The following SEMA4F variants were observed in gnomAD, a reference collection of about 807,000 sequenced individuals.
SEMA4F encodes semaphorin-4F.
SEMA4F carries 51 observed loss-of-function variants against 78.4 expected under a neutral mutation model. That is an observed-to-expected ratio of 0.65 (90% CI 0.52 to 0.82). SEMA4F has a LOEUF of 0.82. Ranked by LOEUF, SEMA4F falls within the 40% of genes least tolerant of loss-of-function variation. The pLI is 0.00. For missense variants in SEMA4F, 938 were observed against 1,014.4 expected, an observed-to-expected ratio of 0.92 and a Z score of 1.02; for synonymous variants, 418 against 408.7, an observed-to-expected ratio of 1.02 and a Z score of -0.27.
At position 74,656,685 on chromosome 2, in the gene SEMA4F, G is replaced by T; in HGVS notation, c.297G>T (p.Arg99Ser). The change falls in exon 2 of 14, where the codon AGG becomes AGT. Residue 99 changes from arginine to serine, a missense_variant and splice_region_variant. Coordinates refer to ENST00000357877, the MANE Select transcript of SEMA4F (RefSeq NM_004263.5). The part of the protein sequence containing the change: ...SLPFSGERPR[R>S]IDWMVPEAHR... ...CCTTCTCAGGGGAGAGACCCCGCAG[G>T]GTGAGAGACAAGAGAGGGAAGGACC... 6.2e-7 allele frequency: 1 copy of T among 1,614,066 alleles called. No homozygotes were observed. The highest frequency in any genetic ancestry group is 8.5e-7 in the Non-Finnish European group (1 of 1,180,018).
At chr2:74,690,694 C>T in the SEMA4F span, among the ~76,000 whole-genome samples, 8 of 152,218 alleles carry the variant, frequency 5.3e-5, no homozygotes, top group South Asian at 2.1e-4. Flanking sequence ...ATCTCGTGCC[C>T]GACTAACATT....
chr2:74,664,161 TGTG>T (rs1684570645), intron 5 of SEMA4F, among the ~76,000 whole-genome samples: 1 of 152,210 alleles, frequency 6.6e-6, no homozygotes, highest in Non-Finnish European at 1.5e-5. Context: ...GCCATTTTCT[TGTG>T]GTAGTGTAAA....
In SEMA4F at chr2:74,654,295, G is replaced by T; in HGVS notation, c.-82G>T. On this transcript the variant is annotated 5_prime_UTR_variant, in exon 1 of 14. Transcript: ENST00000357877. ...GAGCCGGACCGAGCCGAGAGGACCC[G>T]AGTGGGGCCGAGGCCAGTAGCCCCG... 1 of 1,358,810 alleles carries T rather than the reference G, an allele frequency of 7.4e-7. No individual in the cohort carries two copies. Among genetic ancestry groups the T allele is most frequent in the Non-Finnish European group, 9.4e-7 (1 of 1,059,732 alleles). The allele number at this position is 1,358,810 out of a possible 1,614,324, so 84.2% of individuals were successfully genotyped here.
rs1426746439 is a variant in SEMA4F at position 74,674,999 on chromosome 2, C to A, written c.1113C>A (p.Val371=). The A allele has an allele frequency of 3.1e-6, 5 of 1,613,832 alleles. No individual in the cohort carries two copies. Among genetic ancestry groups the A allele is most frequent in the Non-Finnish European group, 4.2e-6 (5 of 1,179,972 alleles). ...LKHDCNRGLP[V]VDNDVPQPRP... ...ATGACTGCAACAGAGGACTGCCTGT[C>A]GTGGACAATGATGTGCCCCAGCCCA... is the stretch of plus-strand genomic sequence containing the variant. The change falls in exon 9 of 14, where the codon GTC becomes GTA. Residue 371 remains valine, a synonymous_variant. Transcript: ENST00000357877.
intron 5 of SEMA4F, among the ~76,000 whole-genome samples, chr2:74,673,143 G>T (rs939434561): frequency 6.6e-6 from 1 of 152,116 alleles, no homozygotes; most frequent in Non-Finnish European, 1.5e-5. Context: ...CACATTACAG[G>T]ATTACTGAAA....
Position 74,658,060 on chromosome 2 carries a change from G to A in SEMA4F, c.456+109G>A. 3.2e-6 allele frequency: 3 copies of A among 944,374 alleles called. No individual in the cohort carries two copies. Among genetic ancestry groups the A allele is most frequent in the Non-Finnish European group, 3.4e-6 (2 of 589,062 alleles). 58.5% of individuals were successfully genotyped at this position (944,374 alleles called of 1,614,324 possible). Reference sequence around the variant, plus strand: ...TTTTCTGTGAGCGACCATGATGGGGGCATGGTCAAGGCAACCATTGTGCAT... The same window carrying A: ...TTTTCTGTGAGCGACCATGATGGGGACATGGTCAAGGCAACCATTGTGCAT... On this transcript the variant is annotated intron_variant, in intron 4 of 13. Coordinates refer to ENST00000357877, the MANE Select transcript of SEMA4F (RefSeq NM_004263.5). This position sits in a 1 kb window ranked among gnomAD's most constrained non-coding sequence, Gnocchi z 4.3.
chr2:74,674,536 G>T lies in SEMA4F; in HGVS notation c.861G>T (p.Trp287Cys), dbSNP rs1685158479. ...GCCGGAAGACCCTCCAGCAGAGATG[G>T]ACGACGTTTTTGAAAGCTGACCTGC... ...LGGRKTLQQRWTTFLKADLLC... is the reference protein window; with the variant it reads ...LGGRKTLQQRCTTFLKADLLC... The change falls in exon 8 of 14, where the codon TGG becomes TGT. Residue 287 changes from tryptophan (W) to cysteine (C), a missense_variant. Coordinates refer to ENST00000357877, the MANE Select transcript of SEMA4F (RefSeq NM_004263.5). 1 of 1,613,930 alleles carries T rather than the reference G, an allele frequency of 6.2e-7. No homozygotes were observed. The highest frequency in any genetic ancestry group is 1.3e-5 in the African/African-American group (1 of 74,892).
intron 5 of SEMA4F, among the ~76,000 whole-genome samples, chr2:74,671,228 C>T (rs1189335752): frequency 6.6e-6 from 1 of 152,196 alleles, no homozygotes; most frequent in East Asian, 1.9e-4. Context: ...TCTCACTTCC[C>T]CACCCCAAAA....
chr2:74,667,384 C>T (rs1044014307), intron 5 of SEMA4F, among the ~76,000 whole-genome samples: 2 of 152,178 alleles, frequency 1.3e-5, no homozygotes, highest in East Asian at 3.8e-4. Context: ...TAATTGCTCT[C>T]CAGTTAGTCC....
At chr2:74,664,853 A>G (rs1489630764) in intron 5 of SEMA4F, among the ~76,000 whole-genome samples, 1 of 152,214 alleles carries the variant, frequency 6.6e-6, no homozygotes, top group Non-Finnish European at 1.5e-5. Context: ...GTGATTGTAT[A>G]TAATTTTTAA....
Position 74,656,684 on chromosome 2 carries a change from G to A in SEMA4F, c.296G>A (p.Arg99Lys). 1.2e-6 allele frequency: 2 copies of A among 1,614,146 alleles called. No individual in the cohort carries two copies. The highest frequency in any genetic ancestry group is 2.2e-5 in the East Asian group (1 of 44,866). ...SLPFSGERPR[R>K]IDWMVPEAHR... ...CCCTTCTCAGGGGAGAGACCCCGCA[G>A]GGTGAGAGACAAGAGAGGGAAGGAC... Residue 99 changes from arginine (R) to lysine (K), a missense_variant and splice_region_variant, in exon 2 of 14, where the codon AGG becomes AAG. Physicochemically the swap from Arg to Lys is conservative, Grantham distance 26. Transcript: ENST00000357877.
intron 4 of SEMA4F, among the ~76,000 whole-genome samples, chr2:74,659,019 C>A (rs1339389314): frequency 6.6e-6 from 1 of 152,134 alleles, no homozygotes; most frequent in Non-Finnish European, 1.5e-5. Context: ...TCCAGTTAGT[C>A]CCCCTGGGCT....
the SEMA4F span, among the ~76,000 whole-genome samples, chr2:74,705,794 G>A: frequency 6.9e-6 from 1 of 144,878 alleles, no homozygotes. Flanking sequence ...TTGAACTGCT[G>A]GTCTCAGGCA....
intron 5 of SEMA4F, among the ~76,000 whole-genome samples, chr2:74,671,235 A>G (rs983285282): frequency 6.6e-6 from 1 of 152,200 alleles, no homozygotes; most frequent in African/African-American, 2.4e-5. Flanking sequence ...TCCCCACCCC[A>G]AAAGAAGGCT....
chr2:74,654,575 AC>A, intron 1 of SEMA4F, 54 bp downstream of exon 1: 1 of 1,418,270 alleles, frequency 7.1e-7, no homozygotes. Context: ...CCACACCCAC[AC>A]CCACCTGCTC....
chr2:74,695,194 A>G, the SEMA4F span, among the ~76,000 whole-genome samples: 1 of 152,216 alleles, frequency 6.6e-6, no homozygotes, highest in Non-Finnish European at 1.5e-5. Flanking sequence ...CCACAACAGC[A>G]TCAGACACTC....
chr2:74,656,299 C>T (rs896196814), intron 1 of SEMA4F, among the ~76,000 whole-genome samples: 5 of 152,118 alleles, frequency 3.3e-5, no homozygotes, highest in Admixed American at 6.5e-5. Context: ...CGTGAGCAAC[C>T]GTGTCCAGCT....
chr2:74,709,002 CA>C, the SEMA4F span, among the ~76,000 whole-genome samples: 1 of 151,966 alleles, frequency 6.6e-6, no homozygotes, highest in African/African-American at 2.4e-5. Context: ...CCTGTCTCTA[CA>C]AAAAACACAA....
In SEMA4F at chr2:74,680,053, CT is replaced by C. The variant is rs752582167; in HGVS notation, c.2158del (p.Ser720LeufsTer38). 2 of 1,614,148 alleles carry C rather than the reference CT, an allele frequency of 1.2e-6. No homozygotes were observed. Among genetic ancestry groups the C allele is most frequent in the East Asian group, 4.5e-5 (2 of 44,880 alleles). ...GCTACAGCCAAGACCCTCCCTCCCCCTCTCCTGAAGATGAGCGGTTGCCGCT... is the reference window on the plus strand; with the variant it reads ...GCTACAGCCAAGACCCTCCCTCCCCCCTCCTGAAGATGAGCGGTTGCCGCT... The part of the protein sequence containing the change: ...TSYSQDPPSP[S>X]PEDERLPLAL... On this transcript the variant is annotated frameshift_variant, in exon 14 of 14. Transcript: ENST00000357877. LOFTEE classifies it high-confidence loss of function.
Sources: allele counts gnomAD v4.1 joint callset (sites outside exome capture counted in the v4.1 genomes callset), GRCh38; gene constraint gnomAD v4.1.1; non-coding constraint Gnocchi (gnomAD v3.1); transcripts MANE v1.5; gene names NCBI Gene and HGNC (gene_info 2026-07-23, HGNC 2026-07-21).